The following IL18R1 variants were observed in gnomAD, a reference collection of about 807,000 sequenced individuals.
IL18R1 encodes the protein interleukin 18 receptor 1.
IL18R1 carries 40 observed loss-of-function variants against 48.5 expected under a neutral mutation model. That is an observed-to-expected ratio of 0.82 (90% confidence interval 0.64 to 1.07). IL18R1 has a LOEUF of 1.07. IL18R1 is among the 50% of genes least tolerant of loss of function. The pLI is 0.00. For synonymous variants in IL18R1, 232 were observed against 225.9 expected (o/e 1.03, Z -0.24); for missense variants, 596 against 633.7 (o/e 0.94, Z 0.64).
At chr2:102,383,468 TTA>T (rs1349951143) in intron 6 of IL18R1, among the ~76,000 whole-genome samples, 1 of 152,208 alleles carries the variant, frequency 6.6e-6, no homozygotes, top group Non-Finnish European at 1.5e-5. Flanking sequence ...TGGAGCTATC[TTA>T]TATGCATACA....
chr2:102,371,892 T>C (rs1679284795), intron 3 of IL18R1, 61 bp from the exon 4 acceptor site: 2 of 891,288 alleles, frequency 2.2e-6, no homozygotes, highest in South Asian at 1.8e-5. Flanking sequence ...AAAGGGAAGA[T>C]GGGTGATATT....
At chr2:102,385,226 C>T (rs1321818021) in intron 7 of IL18R1, among the ~76,000 whole-genome samples, 1 of 152,042 alleles carries the variant, frequency 6.6e-6, no homozygotes, top group Non-Finnish European at 1.5e-5. Context: ...CATGAGAAGG[C>T]CATTGAGGGT....
intron 7 of IL18R1, 103 bp from the exon 8 acceptor site, chr2:102,386,758 T>C (rs998769683): frequency 2.6e-6 from 3 of 1,146,354 alleles, no homozygotes; most frequent in East Asian, 4.8e-5. Context: ...GAAGAAATAA[T>C]GCAGGCAACA....
At chr2:102,372,811 C>T (rs145408163) in intron 4 of IL18R1, among the ~76,000 whole-genome samples, 2 of 152,224 alleles carry the variant, frequency 1.3e-5, no homozygotes, top group African/African-American at 4.8e-5. Context: ...TGTGAATTGC[C>T]TATTTTTCAC....
At chr2:102,367,393 C>T (rs575408189) in intron 2 of IL18R1, among the ~76,000 whole-genome samples, 10 of 152,124 alleles carry the variant, frequency 6.6e-5, no homozygotes, top group East Asian at 1.9e-4. Context: ...AGAGGAAGAA[C>T]GCCAAGGTTG....
chr2:102,359,869 G>A (rs1678473365), intron 1 of IL18R1, among the ~76,000 whole-genome samples: 1 of 152,184 alleles, frequency 6.6e-6, no homozygotes, highest in Admixed American at 6.5e-5. Flanking sequence ...CATTTAAGCG[G>A]TATTACCATT....
chr2:102,367,864 G>A lies in IL18R1; in HGVS notation c.98G>A (p.Gly33Glu). 6.2e-7 allele frequency: 1 copy of A among 1,613,812 alleles called. No homozygotes were observed. The highest frequency in any genetic ancestry group is 1.3e-5 in the African/African-American group (1 of 75,022). ...CGTCCCCACATTACTGTGGTTGAAG[G>A]GGAACCTTTCTATCTGAAACATTGC... ...TSRPHITVVE[G>E]EPFYLKHCSC... is the part of the protein sequence containing the mutation. Residue 33 changes from glycine to glutamate, a missense_variant, in exon 3 of 11, where the codon GGG becomes GAG. Coordinates refer to ENST00000233957, the MANE Select transcript of IL18R1 (RefSeq NM_003855.5).
rs1373949763 is a variant in IL18R1 at position 102,371,953 on chromosome 2, A to C, written c.303A>C (p.Lys101Asn). 6.6e-7 allele frequency: 1 copy of C among 1,516,066 alleles called. No homozygotes were observed. The highest frequency in any genetic ancestry group is 1.2e-5 in the South Asian group (1 of 83,344). 93.9% of individuals were successfully genotyped at this position (1,516,066 alleles called of 1,614,324 possible). The change falls in exon 4 of 11, where the codon AAA becomes AAC. Residue 101 changes from lysine (K) to asparagine (N), a missense_variant and splice_region_variant. Lys to Asn is a moderately conservative substitution (Grantham distance 94). Coordinates refer to ENST00000233957, the MANE Select transcript of IL18R1 (RefSeq NM_003855.5). ...ATACCTTTACACTTTTATTCCATAG[A>C]AATTATACTCAGAAATGGAAATTAA... The part of the protein sequence containing the change: ...NDTGSYFFQM[K>N]NYTQKWKLNV...
intron 9 of IL18R1, among the ~76,000 whole-genome samples, chr2:102,393,231 T>C (rs1680642902): frequency 1.3e-5 from 2 of 151,278 alleles, no homozygotes; most frequent in South Asian, 2.1e-4. Context: ...AACTAGTAGA[T>C]AGTTATATTT....
At position 102,397,002 on chromosome 2, in the gene IL18R1, C is replaced by T. The variant is rs1680862778; in HGVS notation, c.*116C>T. 6.0e-6 allele frequency: 4 copies of T among 668,036 alleles called. No individual in the cohort carries two copies. The highest frequency in any genetic ancestry group is 1.0e-5 in the Non-Finnish European group (4 of 399,044). The allele number at this position is 668,036 out of a possible 1,614,324, so 41.4% of individuals were successfully genotyped here. On this transcript the variant is annotated 3_prime_UTR_variant, in exon 11 of 11. Coordinates refer to ENST00000233957, the MANE Select transcript of IL18R1 (RefSeq NM_003855.5). ...TAATTAACTTTGTCAAAATCCTGCT[C>T]ACAATTTGAAGATGAAACTTGTCAT...
rs769938973 is a variant in IL18R1, at chr2:102,394,551, G to T, written c.1194G>T (p.Glu398Asp). The T allele has an allele frequency of 1.2e-6, 2 of 1,613,548 alleles. No homozygotes were observed. Among genetic ancestry groups the T allele is most frequent in the South Asian group, 2.2e-5 (2 of 91,040 alleles). Residue 398 changes from glutamate to aspartate, a missense_variant, in exon 10 of 11, where the codon GAG becomes GAT. By Grantham distance (45) the Glu-to-Asp change is conservative. Coordinates refer to ENST00000233957, the MANE Select transcript of IL18R1 (RefSeq NM_003855.5). ...GAGAGGAGCACACCTTTGCTGTGGA[G>T]ATTTTGCCCAGGGTGTTGGAGAAAC... ...ENGEEHTFAV[E>D]ILPRVLEKHF...
chr2:102,374,925 A>T (rs949867197), intron 4 of IL18R1, among the ~76,000 whole-genome samples: 1 of 152,256 alleles, frequency 6.6e-6, no homozygotes, highest in Non-Finnish European at 1.5e-5. Flanking sequence ...AAGGAGGCTA[A>T]TTCAGTAGAT....
intron 4 of IL18R1, 41 bp from the exon 5 acceptor site, chr2:102,375,866 G>A (rs1679547040): frequency 5.1e-6 from 7 of 1,383,256 alleles, no homozygotes; most frequent in African/African-American, 1.5e-5. Context: ...TATCAATTTG[G>A]CTTTTACTTA....
chr2:102,377,892 G>A (rs1679685416), intron 5 of IL18R1, among the ~76,000 whole-genome samples: 2 of 152,166 alleles, frequency 1.3e-5, no homozygotes, highest in Non-Finnish European at 1.5e-5. Context: ...AGGAACTCAG[G>A]AGTAGGATGT....
At chr2:102,374,793 A>G (rs576516141) in intron 4 of IL18R1, among the ~76,000 whole-genome samples, 4 of 152,064 alleles carry the variant, frequency 2.6e-5, no homozygotes, top group South Asian at 4.2e-4. Flanking sequence ...AAAAAAAATG[A>G]AATTCCAAAG....
Position 102,396,951 on chromosome 2 carries a change from T to A in IL18R1, c.*65T>A. On this transcript the variant is annotated 3_prime_UTR_variant, in exon 11 of 11. Transcript: ENST00000233957. Reference sequence around the variant, plus strand: ...TCTGGGGACTGAGCATATGAACCTGTTCATAACAAAGGCTGTGACTCGAAA... The same window carrying A: ...TCTGGGGACTGAGCATATGAACCTGATCATAACAAAGGCTGTGACTCGAAA... 1 of 938,178 alleles carries A rather than the reference T, an allele frequency of 1.1e-6. No individual in the cohort carries two copies. The highest frequency in any genetic ancestry group is 1.6e-6 in the Non-Finnish European group (1 of 616,582). 58.1% of individuals were successfully genotyped at this position (938,178 alleles called of 1,614,324 possible).
rs11465642 is a variant in IL18R1, at chr2:102,384,529, AATTT to A, written c.689-347_689-344del. On this transcript the variant is annotated intron_variant, in intron 6 of 10. Coordinates refer to ENST00000233957, the MANE Select transcript of IL18R1 (RefSeq NM_003855.5). The stretch of plus-strand genomic sequence containing the variant: ...ACTTTGATGTCTTTAATGTTTGCTT[AATTT>A]AATTTTTTTGTGATTTATCCATTTG... Among the ~76,000 whole-genome samples the A allele has an allele frequency of 6.1e-3, 929 of 152,264 alleles. 16 individuals carry two copies. The highest frequency in any genetic ancestry group is 0.021 in the African/African-American group (869 of 41,554).
chr2:102,396,587 C>T lies in IL18R1; in HGVS notation c.1327C>T (p.Leu443=), dbSNP rs571307009. 2.5e-6 allele frequency: 4 copies of T among 1,612,384 alleles called. No individual in the cohort carries two copies. The highest frequency in any genetic ancestry group is 2.7e-5 in the African/African-American group (2 of 74,920). ...IEKSRRLIIV[L]SKSYMSNEVR... ...GAAAAGCCGAAGACTAATCATTGTC[C>T]TAAGTAAAAGTTATATGTCTAATGA... Residue 443 remains leucine, a synonymous_variant, in exon 11 of 11, where the codon CTA becomes TTA. Coordinates refer to ENST00000233957, the MANE Select transcript of IL18R1 (RefSeq NM_003855.5).
intron 1 of IL18R1, among the ~76,000 whole-genome samples, chr2:102,360,417 A>G (rs943166563): frequency 2.6e-5 from 4 of 151,982 alleles, no homozygotes; most frequent in East Asian, 3.9e-4. Flanking sequence ...GTGCCTGCCA[A>G]CGTGCCTGGC....
Sources: allele counts gnomAD v4.1 joint callset (sites outside exome capture counted in the v4.1 genomes callset), GRCh38; gene constraint gnomAD v4.1.1; transcripts MANE v1.5; gene names NCBI Gene and HGNC (gene_info 2026-07-23, HGNC 2026-07-21).